Variants in RGS7 observed in about 807,000 individuals in gnomAD.
RGS7 encodes the protein regulator of G-protein signaling 7.
Under a neutral mutation model 81.1 loss-of-function variants are expected in RGS7, and 27 were observed. The observed-to-expected ratio is 0.33, with a 90% CI of 0.25 to 0.46. RGS7 has a LOEUF of 0.46. Among genes scored for constraint, RGS7 ranks in the 20% least tolerant of loss-of-function variants. RGS7 has a pLI of 1.00. For synonymous variants in RGS7, 208 were observed against 207.7 expected (o/e 1.00, Z -0.01); for missense variants, 396 against 607.4 (o/e 0.65, Z 3.66).
chr1:240,935,829 C>T (rs1676531504), intron 5 of RGS7, among the ~76,000 whole-genome samples: 1 of 152,128 alleles, frequency 6.6e-6, no homozygotes, highest in South Asian at 2.1e-4. Flanking sequence ...TGGGGAGAAC[C>T]CTCCAGCAAA....
chr1:241,005,644 C>A (rs1368145883), intron 3 of RGS7, among the ~76,000 whole-genome samples: 2 of 152,152 alleles, frequency 1.3e-5, no homozygotes, highest in Non-Finnish European at 2.9e-5. Context: ...AAGCAATTCT[C>A]CTGCCTCAGC....
In RGS7 at chr1:241,070,606, C is replaced by G. The variant is rs561165140; in HGVS notation, c.175+28060G>C. Among the ~76,000 whole-genome samples, 50 of 152,272 alleles carry G rather than the reference C, an allele frequency of 3.3e-4. No individual in the cohort carries two copies. The South Asian group carries it at 0.01, about 32-fold the overall frequency. On this transcript the variant is annotated intron_variant, in intron 3 of 18. Coordinates refer to ENST00000440928, the MANE Select transcript of RGS7 (RefSeq NM_001364886.1). ...TTGATTAGAGCTGGGTGGAGCTAAGCCTGAAACAGATGATGGCTACACTAC... is the reference window on the plus strand; with the variant it reads ...TTGATTAGAGCTGGGTGGAGCTAAGGCTGAAACAGATGATGGCTACACTAC...
intron 2 of RGS7, among the ~76,000 whole-genome samples, chr1:241,101,936 C>A (rs956547554): frequency 6.6e-5 from 10 of 152,282 alleles, no homozygotes; most frequent in Middle Eastern, 3.4e-3. Flanking sequence ...ATAGTCTCAT[C>A]CCCTCTCAGT....
intron 6 of RGS7, among the ~76,000 whole-genome samples, chr1:240,915,380 A>C (rs927775359): frequency 1.3e-5 from 2 of 152,172 alleles, no homozygotes; most frequent in African/African-American, 4.8e-5. Context: ...CCTAATCATC[A>C]GATTATACAA....
At chr1:241,125,199 G>T (rs1016731448) in intron 2 of RGS7, among the ~76,000 whole-genome samples, 3 of 151,998 alleles carry the variant, frequency 2.0e-5, no homozygotes, top group African/African-American at 7.3e-5. Context: ...CCACACAGGC[G>T]GTCATTTTCT....
rs141168416 is a variant in RGS7 at position 241,290,956 on chromosome 1, C to T, written c.78+64743G>A. The stretch of plus-strand genomic sequence containing the variant: ...ATACAATGGCAGCATAAAATGGCAC[C>T]GGTAAAGTGTCAGGCACACAGCCTA... On this transcript the variant is annotated intron_variant, in intron 2 of 18. Coordinates refer to ENST00000440928, the MANE Select transcript of RGS7 (RefSeq NM_001364886.1). Among the ~76,000 whole-genome samples the T allele has an allele frequency of 2.0e-4, 31 of 152,268 alleles. No individual in the cohort carries two copies. In the East Asian group the frequency reaches 3.3e-3, roughly 16 times the overall value.
chr1:241,157,690 A>C (rs1321610299), intron 2 of RGS7, among the ~76,000 whole-genome samples: 1 of 152,192 alleles, frequency 6.6e-6, no homozygotes, highest in Non-Finnish European at 1.5e-5. Context: ...CCCGGGAGTG[A>C]AGAATGTTTT....
At chr1:241,302,682 G>GAA (rs1214676843) in intron 2 of RGS7, among the ~76,000 whole-genome samples, 1 of 152,126 alleles carries the variant, frequency 6.6e-6, no homozygotes, top group South Asian at 2.1e-4. Context: ...GCAAAGTAGA[G>GAA]AAAAATGATA....
intron 2 of RGS7, among the ~76,000 whole-genome samples, chr1:241,254,016 C>G (rs369322181): frequency 2.6e-5 from 4 of 151,694 alleles, no homozygotes; most frequent in South Asian, 2.1e-4. Context: ...CTGGCTAACA[C>G]GATGAAACAC....
At chr1:240,971,279 C>T (rs1329696751) in intron 4 of RGS7, among the ~76,000 whole-genome samples, 2 of 152,158 alleles carry the variant, frequency 1.3e-5, no homozygotes, top group Non-Finnish European at 2.9e-5. Flanking sequence ...TCCCAGTTTC[C>T]CAAACTGTGA....
At chr1:241,048,235 G>C (rs2061051561) in intron 3 of RGS7, among the ~76,000 whole-genome samples, 1 of 152,134 alleles carries the variant, frequency 6.6e-6, no homozygotes, top group Admixed American at 6.5e-5. Context: ...CAGGATCAAT[G>C]ATCTGTAAAC....
chr1:241,275,678 T>C (rs181344299), intron 2 of RGS7, among the ~76,000 whole-genome samples: 2 of 152,346 alleles, frequency 1.3e-5, no homozygotes, highest in Admixed American at 1.3e-4. Flanking sequence ...CTTTTTCTAA[T>C]GATTCCACAG....
chr1:241,276,636 G>A (rs1209092455), intron 2 of RGS7, among the ~76,000 whole-genome samples: 1 of 152,178 alleles, frequency 6.6e-6, no homozygotes, highest in Non-Finnish European at 1.5e-5. Context: ...TCAACGTCCA[G>A]ACAATCAGGG....
chr1:241,035,609 T>A (rs113578102), intron 3 of RGS7, among the ~76,000 whole-genome samples: 1 of 152,172 alleles, frequency 6.6e-6, no homozygotes, highest in Non-Finnish European at 1.5e-5. Context: ...TCACCAATAC[T>A]GCCATTGCCA....
chr1:241,300,209 C>T (rs2079666087), intron 2 of RGS7, among the ~76,000 whole-genome samples: 1 of 152,082 alleles, frequency 6.6e-6, no homozygotes, highest in African/African-American at 2.4e-5. Context: ...CCTCCCCAAC[C>T]TACCCCACTA....
Position 241,083,491 on chromosome 1 carries a change from C to T in RGS7, c.175+15175G>A, listed in dbSNP as rs183632747. ...GACATCTCACTTTCCCCTCTTGTTC[C>T]GCAGCTCGATTGGCTATGTAGTTAT... On this transcript the variant is annotated intron_variant, in intron 3 of 18. Transcript: ENST00000440928. 3.9e-5 allele frequency among the ~76,000 whole-genome samples: 6 copies of T among 152,162 alleles called. No individual in the cohort carries two copies. In the East Asian group the frequency reaches 1.2e-3, roughly 29 times the overall value.
Position 241,285,879 on chromosome 1 carries a change from C to T in RGS7, c.78+69820G>A, listed in dbSNP as rs187424792. ...CCCACTTCTTACCCACAAGTATATA[C>T]CTAGTTTTAAAGGTGCAGGGTTATA... is the stretch of plus-strand genomic sequence containing the variant. On this transcript the variant is annotated intron_variant, in intron 2 of 18. Coordinates refer to ENST00000440928, the MANE Select transcript of RGS7 (RefSeq NM_001364886.1). 3.3e-4 allele frequency among the ~76,000 whole-genome samples: 51 copies of T among 152,240 alleles called. 1 individual carries two copies. The Middle Eastern group carries it at 0.01, about 30-fold the overall frequency.
intron 9 of RGS7, among the ~76,000 whole-genome samples, chr1:240,859,414 A>G (rs1006854000): frequency 7.4e-6 from 1 of 134,526 alleles, no homozygotes; most frequent in African/African-American, 2.8e-5. Flanking sequence ...GTTTTAGTAC[A>G]TTGTGTTTTT....
intron 2 of RGS7, among the ~76,000 whole-genome samples, chr1:241,316,305 C>T (rs993813000): frequency 1.3e-5 from 2 of 152,162 alleles, no homozygotes; most frequent in African/African-American, 2.4e-5. Flanking sequence ...ACTAAATCAC[C>T]GGCCACTGAA....
Sources: allele counts gnomAD v4.1 joint callset (sites outside exome capture counted in the v4.1 genomes callset), GRCh38; gene constraint gnomAD v4.1.1; transcripts MANE v1.5; gene names NCBI Gene and HGNC (gene_info 2026-07-23, HGNC 2026-07-21).